ARHGAP22: variants seen among roughly 807,000 people sequenced by gnomAD.
ARHGAP22 encodes the protein rho GTPase-activating protein 22.
In ARHGAP22, 48 loss-of-function variants were observed where a neutral mutation model predicts 59.1. That is an observed-to-expected ratio of 0.81 (90% CI 0.64 to 1.03). ARHGAP22 has a LOEUF of 1.03. Among genes scored for constraint, ARHGAP22 ranks in the 50% least tolerant of loss-of-function variants. ARHGAP22 has a pLI of 0.00. For missense variants in ARHGAP22, 1,015 were observed against 958.7 expected, an observed-to-expected ratio of 1.06 and a Z score of -0.78; for synonymous variants, 445 against 416.4, an observed-to-expected ratio of 1.07 and a Z score of -0.84.
Position 48,479,624 on chromosome 10 carries a change from T to C in ARHGAP22, c.451+12A>G. On this transcript the variant is annotated intron_variant, in intron 4 of 9. Coordinates refer to ENST00000249601, the MANE Select transcript of ARHGAP22 (RefSeq NM_021226.4). ...GGTTCTAGAGGGTGGGCATGCGATC[T>C]ACGGGCAGTACCTCCGCCCAGCGGG... 6.2e-7 allele frequency: 1 copy of C among 1,613,926 alleles called. No individual in the cohort carries two copies. Among genetic ancestry groups the C allele is most frequent in the Non-Finnish European group, 8.5e-7 (1 of 1,179,976 alleles).
chr10:48,510,836 T>C (rs2052686968), intron 3 of ARHGAP22: 1 of 152,228 alleles, frequency 6.6e-6, no homozygotes, highest in Non-Finnish European at 1.5e-5. Context: ...AGTCAAGTCA[T>C]TTAGTCTCTT....
chr10:48,549,547 C>T (rs910424206), intron 3 of ARHGAP22, among the ~76,000 whole-genome samples: 2 of 152,120 alleles, frequency 1.3e-5, no homozygotes, highest in Non-Finnish European at 2.9e-5. Context: ...CATCAATTAT[C>T]TGGGGTGGGA....
intron 3 of ARHGAP22, among the ~76,000 whole-genome samples, chr10:48,524,514 G>C (rs1326606657): frequency 6.6e-6 from 1 of 152,068 alleles, no homozygotes; most frequent in Non-Finnish European, 1.5e-5. Flanking sequence ...TGGGAGCCAA[G>C]CAGGGGTGGG....
intron 1 of ARHGAP22, among the ~76,000 whole-genome samples, chr10:48,623,260 C>A (rs1050734088): frequency 6.6e-6 from 1 of 152,250 alleles, no homozygotes; most frequent in African/African-American, 2.4e-5. Context: ...GCCCACTGTT[C>A]TCTGCTGCCC....
chr10:48,556,466 C>G (rs1211069944), intron 2 of ARHGAP22: 1 of 152,168 alleles, frequency 6.6e-6, no homozygotes, highest in Non-Finnish European at 1.5e-5. Context: ...TTCATTCATG[C>G]TTGGTTTTGC....
At position 48,454,082 on chromosome 10, in the gene ARHGAP22, G is replaced by A. The variant is rs770282230; in HGVS notation, c.866+6C>T. On this transcript the variant is annotated splice_donor_region_variant and intron_variant, in intron 7 of 9. Transcript: ENST00000249601. ...AAGTGTGGTTCCCTCCTGCCAAGCCGCTTACTTGCAGATGTATCTGAGCAG... is the reference window on the plus strand; with the variant it reads ...AAGTGTGGTTCCCTCCTGCCAAGCCACTTACTTGCAGATGTATCTGAGCAG... 6.2e-6 allele frequency: 10 copies of A among 1,613,714 alleles called. No individual in the cohort carries two copies. The highest frequency in any genetic ancestry group is 2.7e-5 in the African/African-American group (2 of 75,048).
intron 5 of ARHGAP22, 96 bp downstream of exon 5, chr10:48,459,588 A>C: frequency 7.1e-7 from 1 of 1,401,332 alleles, no homozygotes; most frequent in South Asian, 1.2e-5. Flanking sequence ...TCCTGTCGCT[A>C]GCCCACCCCT....
In ARHGAP22 at chr10:48,537,369, C is replaced by T. The variant is rs189168980; in HGVS notation, c.322+18094G>A. 6.5e-4 allele frequency among the ~76,000 whole-genome samples: 99 copies of T among 152,280 alleles called. 1 individual carries two copies. The highest frequency in any genetic ancestry group is 2.1e-3 in the African/African-American group (88 of 41,536). ...CCTCTCCTCATCCTCGGGCTGTGTA[C>T]ATGTGATGAGGATAAGTGGCTCACA... On this transcript the variant is annotated intron_variant, in intron 3 of 9. Coordinates refer to ENST00000249601, the MANE Select transcript of ARHGAP22 (RefSeq NM_021226.4).
chr10:48,449,902 C>T (rs2045726474), intron 9 of ARHGAP22, among the ~76,000 whole-genome samples: 1 of 152,250 alleles, frequency 6.6e-6, no homozygotes, highest in Non-Finnish European at 1.5e-5. Context: ...AGCCCTTGTA[C>T]TGGGACAAGC....
intron 1 of ARHGAP22, among the ~76,000 whole-genome samples, chr10:48,639,591 C>CT (rs2061959971): frequency 6.6e-6 from 1 of 152,062 alleles, no homozygotes; most frequent in African/African-American, 2.4e-5. Context: ...AGAGTGACCC[C>CT]TAGGAAGGCA....
At chr10:48,562,139 T>A (rs1003635742) in intron 2 of ARHGAP22, among the ~76,000 whole-genome samples, 10 of 151,050 alleles carry the variant, frequency 6.6e-5, no homozygotes, top group African/African-American at 2.4e-4. Flanking sequence ...GGCAGAAGAA[T>A]CTCTGGAACC....
chr10:48,596,236 G>A (rs1467372339), intron 1 of ARHGAP22, among the ~76,000 whole-genome samples: 1 of 152,196 alleles, frequency 6.6e-6, no homozygotes, highest in Non-Finnish European at 1.5e-5. Flanking sequence ...AGCGGATCTG[G>A]TGTTCATTTA....
At chr10:48,618,100 A>G (rs1218488825) in intron 1 of ARHGAP22, among the ~76,000 whole-genome samples, 1 of 151,948 alleles carries the variant, frequency 6.6e-6, no homozygotes, top group East Asian at 1.9e-4. Flanking sequence ...TTTCAAACCT[A>G]ATGGAAATAA....
At chr10:48,488,738 C>A (rs1429900506) in intron 3 of ARHGAP22, among the ~76,000 whole-genome samples, 1 of 152,170 alleles carries the variant, frequency 6.6e-6, no homozygotes, top group African/African-American at 2.4e-5. Context: ...TGCCTCTGAT[C>A]CTTTCTGGTA....
Position 48,446,197 on chromosome 10 carries a change from T to C in ARHGAP22, c.*194A>G, listed in dbSNP as rs1349875014. 1 of 615,964 alleles carries C rather than the reference T, an allele frequency of 1.6e-6. No homozygotes were observed. The highest frequency in any genetic ancestry group is 3.0e-5 in the Admixed American group (1 of 33,776). 38.2% of individuals were successfully genotyped at this position (615,964 alleles called of 1,614,324 possible). A position where few individuals can be genotyped will look rare whatever the true frequency, so the allele number is the denominator to read the frequency against. ...CTGACCCTCACCAGGAACTGCATGGTTGGAGCAGCATCTGATCCCACCTGG... is the reference window on the plus strand; with the variant it reads ...CTGACCCTCACCAGGAACTGCATGGCTGGAGCAGCATCTGATCCCACCTGG... On this transcript the variant is annotated 3_prime_UTR_variant, in exon 10 of 10. Transcript: ENST00000249601.
At chr10:48,543,024 C>T (rs2056107150) in intron 3 of ARHGAP22, among the ~76,000 whole-genome samples, 1 of 152,158 alleles carries the variant, frequency 6.6e-6, no homozygotes. Flanking sequence ...GGGAGAGGGA[C>T]CTGGCTGCTG....
upstream of ARHGAP22, among the ~76,000 whole-genome samples, chr10:48,653,984 T>C (rs2062659052): frequency 6.6e-6 from 1 of 152,258 alleles, no homozygotes; most frequent in Admixed American, 6.5e-5. Context: ...GGGTATCCTG[T>C]ATTTTATCTG....
At chr10:48,502,931 CCCGGGGG>C (rs1463873189) in intron 3 of ARHGAP22, among the ~76,000 whole-genome samples, 2 of 152,226 alleles carry the variant, frequency 1.3e-5, no homozygotes, top group Admixed American at 6.5e-5. Flanking sequence ...TAGGAAGGAT[CCCGGGGG>C]CCTACTGGGG....
intron 1 of ARHGAP22, among the ~76,000 whole-genome samples, chr10:48,649,820 T>G (rs2062474431): frequency 6.6e-6 from 1 of 152,130 alleles, no homozygotes; most frequent in African/African-American, 2.4e-5. Flanking sequence ...GGAGGGAAAG[T>G]GCTGGTAGGT....
Sources: allele counts gnomAD v4.1 joint callset (sites outside exome capture counted in the v4.1 genomes callset), GRCh38; gene constraint gnomAD v4.1.1; transcripts MANE v1.5; gene names NCBI Gene and HGNC (gene_info 2026-07-23, HGNC 2026-07-21).